The following MAST4 variants were observed in gnomAD, a reference collection of about 807,000 sequenced individuals.
MAST4 encodes the protein microtubule-associated serine/threonine-protein kinase 4.
MAST4 carries 89 observed loss-of-function variants against 162.7 expected under a neutral mutation model. That is an observed-to-expected ratio of 0.55 (90% CI 0.46 to 0.65). The LOEUF is 0.65. Among genes scored for constraint, MAST4 ranks in the 30% least tolerant of loss-of-function variants. MAST4 has a pLI of 0.00. For synonymous variants in MAST4, 1,479 were observed against 1,361.1 expected, an observed-to-expected ratio of 1.09 and a Z score of -1.91; for missense variants, 3,153 against 3,374.0, an observed-to-expected ratio of 0.93 and a Z score of 1.62.
chr5:67,149,796 T>G (rs1771581520), intron 24 of MAST4, among the ~76,000 whole-genome samples: 1 of 152,208 alleles, frequency 6.6e-6, no homozygotes, highest in Non-Finnish European at 1.5e-5. Flanking sequence ...TTTGGCCTAT[T>G]TCATCTCACT....
At chr5:66,718,134 A>T (rs1750960575) in intron 1 of MAST4, among the ~76,000 whole-genome samples, 1 of 151,346 alleles carries the variant, frequency 6.6e-6, no homozygotes, top group Non-Finnish European at 1.5e-5. Flanking sequence ...AGATGCACAG[A>T]GACAGACTAT....
chr5:67,022,702 C>G (rs1469704521), intron 4 of MAST4, among the ~76,000 whole-genome samples: 2 of 152,106 alleles, frequency 1.3e-5, no homozygotes, highest in African/African-American at 4.8e-5. Flanking sequence ...ATTTAATGTT[C>G]AAATACGAAA....
intron 3 of MAST4, among the ~76,000 whole-genome samples, chr5:66,845,936 A>G (rs1758824412): frequency 6.6e-6 from 1 of 152,180 alleles, no homozygotes; most frequent in African/African-American, 2.4e-5. Context: ...TGAAAGAATT[A>G]TAAACATAAC....
intron 1 of MAST4, among the ~76,000 whole-genome samples, chr5:66,734,547 T>G (rs1752048782): frequency 1.3e-5 from 2 of 152,252 alleles, no homozygotes; most frequent in African/African-American, 4.8e-5. Context: ...ATCTGTATAC[T>G]TTCTGTTCAA....
intron 2 of MAST4, 80 bp from the exon 3 acceptor site, chr5:66,788,590 C>CT: frequency 9.8e-7 from 1 of 1,025,494 alleles, no homozygotes; most frequent in Non-Finnish European, 1.4e-6. Flanking sequence ...CAGGAAGAGA[C>CT]ACCCCACCCC....
intron 3 of MAST4, among the ~76,000 whole-genome samples, chr5:66,803,453 G>C (rs1346966344): frequency 3.3e-5 from 5 of 152,102 alleles, no homozygotes; most frequent in Admixed American, 6.5e-5. Flanking sequence ...TAAATGTGTA[G>C]ATCAATTGGG....
At chr5:66,741,691 C>G (rs1021598708) in intron 1 of MAST4, among the ~76,000 whole-genome samples, 2 of 152,038 alleles carry the variant, frequency 1.3e-5, no homozygotes, top group African/African-American at 4.8e-5. Context: ...TGACTGTAAC[C>G]TTTAGAGAAA....
intron 1 of MAST4, among the ~76,000 whole-genome samples, chr5:66,683,505 G>A (rs572807430): frequency 2.6e-5 from 4 of 152,252 alleles, no homozygotes; most frequent in African/African-American, 9.6e-5. Context: ...TCTCTTAGTT[G>A]TCTTGCCTTC....
Position 66,877,745 on chromosome 5 carries a change from C to G in MAST4, c.643-22206C>G, listed in dbSNP as rs565555990. Among the ~76,000 whole-genome samples, 4 of 152,126 alleles carry G rather than the reference C, an allele frequency of 2.6e-5. No individual in the cohort carries two copies. The South Asian group carries it at 8.3e-4, about 32-fold the overall frequency. On this transcript the variant is annotated intron_variant, in intron 3 of 28. Coordinates refer to ENST00000403625, the MANE Select transcript of MAST4 (RefSeq NM_001164664.2). ...TACAGCTTGATGAATTTCCACAAAC[C>G]GAACAAGATCAAGCAACACAGAACA...
intron 4 of MAST4, among the ~76,000 whole-genome samples, chr5:66,910,032 G>A (rs1763642898): frequency 6.6e-6 from 1 of 152,146 alleles, no homozygotes; most frequent in South Asian, 2.1e-4. Flanking sequence ...TCTTGGGTAT[G>A]TCTTTATTAG....
chr5:67,118,661 CTTT>C lies in MAST4; in HGVS notation c.1592-12_1592-10del. The C allele has an allele frequency of 2.6e-6, 3 of 1,161,722 alleles. No individual in the cohort carries two copies. Among genetic ancestry groups the C allele is most frequent in the Non-Finnish European group, 3.5e-6 (3 of 849,454 alleles). The allele number at this position is 1,161,722 out of a possible 1,614,324, so 72.0% of individuals were successfully genotyped here. ...ATTGCAATATTTTTATTAAGCTTAA[CTTT>C]TTTTTTTTCCAACTTAGAAATGGCT... On this transcript the variant is annotated intron_variant, in intron 12 of 28. Transcript: ENST00000403625.
intron 4 of MAST4, among the ~76,000 whole-genome samples, chr5:66,903,842 C>A (rs187222235): frequency 1.8e-4 from 28 of 152,260 alleles, no homozygotes; most frequent in Admixed American, 6.5e-5. Context: ...CTGTACAAAT[C>A]TGTCTCCCCC....
intron 4 of MAST4, among the ~76,000 whole-genome samples, chr5:66,964,294 T>A (rs1031677515): frequency 3.3e-5 from 5 of 152,212 alleles, no homozygotes; most frequent in Non-Finnish European, 7.3e-5. Flanking sequence ...CTCTTCTCTG[T>A]TTGTTAGAGA....
At chr5:66,902,052 T>A (rs896580460) in intron 4 of MAST4, among the ~76,000 whole-genome samples, 2 of 152,026 alleles carry the variant, frequency 1.3e-5, no homozygotes, top group Non-Finnish European at 2.9e-5. Flanking sequence ...GTTAACACTC[T>A]CTTAGTTTAT....
rs535744562 is a variant in MAST4 at position 66,617,945 on chromosome 5, G to C, written c.363+20927G>C. Among the ~76,000 whole-genome samples the C allele has an allele frequency of 6.0e-5, 9 of 150,992 alleles. 1 individual carries two copies. The highest frequency in any genetic ancestry group is 2.2e-4 in the African/African-American group (9 of 41,432). On this transcript the variant is annotated intron_variant, in intron 1 of 28. Coordinates refer to ENST00000403625, the MANE Select transcript of MAST4 (RefSeq NM_001164664.2). ...GGATAGGGAACTAGGTGCTAGGGCA[G>C]TATTTTTGGTCCCTGCTTTGACTCC...
intron 11 of MAST4, among the ~76,000 whole-genome samples, chr5:67,113,456 AATAG>A (rs1460865129): frequency 6.6e-6 from 1 of 152,136 alleles, no homozygotes; most frequent in Non-Finnish European, 1.5e-5. Flanking sequence ...CAAAAAATTA[AATAG>A]ATAGGAAAAA....
At chr5:66,882,458 G>A (rs954950208) in intron 3 of MAST4, among the ~76,000 whole-genome samples, 1 of 151,754 alleles carries the variant, frequency 6.6e-6, no homozygotes, top group Non-Finnish European at 1.5e-5. Context: ...ATTCATTTGG[G>A]ATAATTTCTA....
At chr5:66,833,701 A>G (rs981837622) in intron 3 of MAST4, among the ~76,000 whole-genome samples, 1 of 152,064 alleles carries the variant, frequency 6.6e-6, no homozygotes. Flanking sequence ...TTTTCATGAA[A>G]TTTTCTATAT....
At chr5:67,149,960 T>G (rs768342226) in intron 24 of MAST4, among the ~76,000 whole-genome samples, 17 of 152,250 alleles carry the variant, frequency 1.1e-4, no homozygotes, top group Non-Finnish European at 1.6e-4. Flanking sequence ...TTATACACTT[T>G]ATAGAGCTGT....
Sources: gnomAD v4.1 joint callset for allele counts (sites outside exome capture counted in the v4.1 genomes callset) on GRCh38, gnomAD v4.1.1 for gene constraint, MANE v1.5 for transcripts, NCBI Gene and HGNC (gene_info 2026-07-23, HGNC 2026-07-21) for gene names.